RPAP2: variants seen among roughly 807,000 people sequenced by gnomAD.
RPAP2 encodes putative RNA polymerase II subunit B1 CTD phosphatase RPAP2.
RPAP2 carries 52 observed loss-of-function variants against 73.1 expected under a neutral mutation model. The ratio of observed to expected loss-of-function variants is 0.71; its 90% CI spans 0.57 to 0.90. The LOEUF (loss-of-function observed/expected upper bound fraction) is 0.90. RPAP2 is among the 40% of genes least tolerant of loss of function. The pLI is 0.00. For missense variants in RPAP2, 598 were observed against 701.8 expected (o/e 0.85, Z 1.67); for synonymous variants, 225 against 242.1 (o/e 0.93, Z 0.65).
chr1:92,321,807 T>C (rs954739638), intron 7 of RPAP2, among the ~76,000 whole-genome samples: 12 of 152,130 alleles, frequency 7.9e-5, no homozygotes, highest in African/African-American at 2.9e-4. Context: ...TTTCATTCTG[T>C]AGAATTTTCT....
chr1:92,337,262 TTACAG>T (rs1456294733), intron 10 of RPAP2, among the ~76,000 whole-genome samples: 2 of 152,088 alleles, frequency 1.3e-5, no homozygotes, highest in Non-Finnish European at 2.9e-5. Flanking sequence ...AAGTGTAAAA[TTACAG>T]TACAGGAACA....
intron 6 of RPAP2, among the ~76,000 whole-genome samples, chr1:92,317,752 C>G (rs538992532): frequency 6.6e-6 from 1 of 152,196 alleles, no homozygotes; most frequent in Non-Finnish European, 1.5e-5. Context: ...CTACCTTATG[C>G]TTTTTCCCTT....
At position 92,300,253 on chromosome 1, in the gene RPAP2, ATGGACAACTACAT is replaced by A; in HGVS notation, c.119+18_119+30del. On this transcript the variant is annotated intron_variant, in intron 2 of 12. Transcript: ENST00000610020. ...TGCTTCTAAAAGGTATGACAGCTAC[ATGGACAACTACAT>A]TGGCATATCTACTTATCTTGTATTA... 1 of 1,595,030 alleles carries A rather than the reference ATGGACAACTACAT, an allele frequency of 6.3e-7. No individual in the cohort carries two copies. Among genetic ancestry groups the A allele is most frequent in the African/African-American group, 1.3e-5 (1 of 74,510 alleles).
chr1:92,367,700 A>C (rs1038404016), intron 11 of RPAP2, among the ~76,000 whole-genome samples: 1 of 152,142 alleles, frequency 6.6e-6, no homozygotes. Context: ...GTGGCCTTTC[A>C]CTTCCTGTCC....
chr1:92,371,053 T>G (rs1317723510), intron 11 of RPAP2, among the ~76,000 whole-genome samples: 1 of 152,060 alleles, frequency 6.6e-6, no homozygotes, highest in Non-Finnish European at 1.5e-5. Context: ...ATGCCTGTAA[T>G]CCCAGCACTT....
At chr1:92,331,241 C>T (rs981200677) in intron 8 of RPAP2, among the ~76,000 whole-genome samples, 2 of 152,182 alleles carry the variant, frequency 1.3e-5, no homozygotes, top group Non-Finnish European at 2.9e-5. Context: ...ACTTTGCTGA[C>T]ATTAACATTC....
intron 3 of RPAP2, among the ~76,000 whole-genome samples, chr1:92,302,703 G>A (rs565344602): frequency 2.3e-3 from 313 of 138,702 alleles, no homozygotes; most frequent in African/African-American, 7.9e-3. Context: ...CCGTGTTCAC[G>A]CCATTCTCCT....
At chr1:92,302,416 A>G (rs1650915058) in intron 3 of RPAP2, among the ~76,000 whole-genome samples, 2 of 151,118 alleles carry the variant, frequency 1.3e-5, no homozygotes, top group African/African-American at 4.8e-5. Flanking sequence ...GATTTTCTTC[A>G]ATTTGTTCTA....
In RPAP2 at chr1:92,390,427, C is replaced by G. The variant is rs1656005807; in HGVS notation, c.*3416C>G. 1 of 152,174 alleles carries G rather than the reference C, an allele frequency of 6.6e-6. No homozygotes were observed. Among genetic ancestry groups the G allele is most frequent in the South Asian group, 2.1e-4 (1 of 4,832 alleles). The allele number at this position is 152,174 out of a possible 1,614,324, so 9.4% of individuals were successfully genotyped here. On this transcript the variant is annotated 3_prime_UTR_variant, in exon 13 of 13. Transcript: ENST00000610020. ...AATGGACAGGAACAACCAGTACCAGCCACTGCAAAAACATGCCAAATGGTA... is the reference window on the plus strand; with the variant it reads ...AATGGACAGGAACAACCAGTACCAGGCACTGCAAAAACATGCCAAATGGTA...
chr1:92,328,514 GCTAT>G (rs1386805120), intron 8 of RPAP2, among the ~76,000 whole-genome samples: 2 of 152,044 alleles, frequency 1.3e-5, no homozygotes, highest in African/African-American at 4.8e-5. Flanking sequence ...TTTTATTTAT[GCTAT>G]CTATTTCACT....
intron 6 of RPAP2, among the ~76,000 whole-genome samples, chr1:92,309,749 A>G (rs1651479273): frequency 6.6e-6 from 1 of 152,236 alleles, no homozygotes; most frequent in Admixed American, 6.5e-5. Context: ...AGGACATTGC[A>G]TAATGAGAAA....
chr1:92,319,619 A>C (rs963460712), intron 6 of RPAP2, among the ~76,000 whole-genome samples: 1 of 152,212 alleles, frequency 6.6e-6, no homozygotes, highest in Non-Finnish European at 1.5e-5. Context: ...CTTACTGACC[A>C]TGTAAAGGAA....
At chr1:92,373,720 AC>A (rs1324564784) in intron 11 of RPAP2, among the ~76,000 whole-genome samples, 2 of 132,044 alleles carry the variant, frequency 1.5e-5, no homozygotes, top group Non-Finnish European at 3.1e-5. Context: ...ACATGGTGAA[AC>A]CCCGTCTCTA....
At chr1:92,334,528 T>C (rs1653158219) in intron 9 of RPAP2, among the ~76,000 whole-genome samples, 1 of 152,028 alleles carries the variant, frequency 6.6e-6, no homozygotes, top group Non-Finnish European at 1.5e-5. Flanking sequence ...ACGACAGGGA[T>C]TTACTTTAAA....
In RPAP2 at chr1:92,391,864, C is replaced by T. The variant is rs574088856; in HGVS notation, c.*4853C>T. 6.6e-6 allele frequency: 1 copy of T among 152,176 alleles called. No homozygotes were observed. The highest frequency in any genetic ancestry group is 2.1e-4 in the South Asian group (1 of 4,830). 9.4% of individuals were successfully genotyped at this position (152,176 alleles called of 1,614,324 possible). A position where few individuals can be genotyped will look rare whatever the true frequency, so the allele number is the denominator to read the frequency against. On this transcript the variant is annotated 3_prime_UTR_variant, in exon 13 of 13. Coordinates refer to ENST00000610020, the MANE Select transcript of RPAP2 (RefSeq NM_024813.3). ...GTTGAATCTCTGAATAAACCAGTAA[C>T]AGGTTCTGAAATTGAGGCAATAATT...
At chr1:92,365,170 G>A (rs1208815845) in intron 11 of RPAP2, among the ~76,000 whole-genome samples, 1 of 152,100 alleles carries the variant, frequency 6.6e-6, no homozygotes, top group African/African-American at 2.4e-5. Context: ...TACCTCCCTT[G>A]TATAAACCCC....
intron 3 of RPAP2, among the ~76,000 whole-genome samples, chr1:92,302,864 T>C (rs968535969): frequency 6.6e-5 from 10 of 151,910 alleles, no homozygotes; most frequent in Non-Finnish European, 1.2e-4. Context: ...CCTCCCAAAG[T>C]GCTGGGATTA....
chr1:92,380,265 C>T (rs985903342), intron 11 of RPAP2, among the ~76,000 whole-genome samples: 10 of 149,052 alleles, frequency 6.7e-5, no homozygotes, highest in African/African-American at 2.5e-4. Context: ...ATGACAGAAG[C>T]GAGACTCTGC....
chr1:92,361,850 T>TTTCTG (rs1553154859), intron 11 of RPAP2, among the ~76,000 whole-genome samples: 31 of 151,762 alleles, frequency 2.0e-4, no homozygotes, highest in African/African-American at 7.0e-4. Context: ...ACGTAACTGT[T>TTTCTG]TTCTGTGGAC....
Sources: allele counts gnomAD v4.1 joint callset (sites outside exome capture counted in the v4.1 genomes callset), GRCh38; gene constraint gnomAD v4.1.1; transcripts MANE v1.5; gene names NCBI Gene and HGNC (gene_info 2026-07-23, HGNC 2026-07-21).